The following ATXN7L1 variants were observed in gnomAD, a reference collection of about 807,000 sequenced individuals.
ATXN7L1 encodes the protein ataxin-7-like protein 1.
A neutral mutation model predicts 70.8 loss-of-function variants in ATXN7L1; 15 were observed. That is an observed-to-expected ratio of 0.21 (90% CI 0.14 to 0.33). ATXN7L1 has a LOEUF of 0.33. Among genes scored for constraint, ATXN7L1 ranks in the 10% least tolerant of loss-of-function variants. ATXN7L1 has a pLI of 1.00. For synonymous variants in ATXN7L1, 440 were observed against 445.1 expected, an observed-to-expected ratio of 0.99 and a Z score of 0.14; for missense variants, 975 against 1,097.1, an observed-to-expected ratio of 0.89 and a Z score of 1.57.
At chr7:105,858,527 AT>A (rs1248525027) in intron 2 of ATXN7L1, among the ~76,000 whole-genome samples, 1 of 152,240 alleles carries the variant, frequency 6.6e-6, no homozygotes, top group East Asian at 1.9e-4. Context: ...GGGGGACAGG[AT>A]ATTCACTGGG....
chr7:105,641,611 G>A (rs1168758888), intron 5 of ATXN7L1, among the ~76,000 whole-genome samples: 1 of 152,266 alleles, frequency 6.6e-6, no homozygotes, highest in Non-Finnish European at 1.5e-5. Context: ...CAGCCACTGT[G>A]CCCACGCCTA....
chr7:105,777,745 C>T (rs999066814), intron 3 of ATXN7L1, among the ~76,000 whole-genome samples: 1 of 152,198 alleles, frequency 6.6e-6, no homozygotes, highest in Admixed American at 6.5e-5. Flanking sequence ...GAGTGAGCTT[C>T]AGAAAACAGA....
chr7:105,837,311 C>T (rs1812533432), intron 2 of ATXN7L1, among the ~76,000 whole-genome samples: 1 of 152,122 alleles, frequency 6.6e-6, no homozygotes, highest in South Asian at 2.1e-4. Context: ...CCTTCTGATT[C>T]CTTCCTACTT....
rs1563048215 is a variant in ATXN7L1 at position 105,733,490 on chromosome 7, CCACCCA to C, written c.355+55108_355+55113del. On this transcript the variant is annotated intron_variant, in intron 3 of 11. Transcript: ENST00000419735. ...TTTGACCTCCAGGAGGTCCATCCAT[CCACCCA>C]TCCATCCTTCCATCCATCCACCCAT... is the stretch of plus-strand genomic sequence containing the variant. Among the ~76,000 whole-genome samples, 106 of 134,032 alleles carry C rather than the reference CCACCCA, an allele frequency of 7.9e-4. 1 individual carries two copies. Among genetic ancestry groups the C allele is most frequent in the Admixed American group, 1.3e-3 (18 of 13,372 alleles). 87.9% of individuals were successfully genotyped at this position (134,032 alleles called of 152,430 possible).
At chr7:105,805,522 T>C (rs1441829424) in intron 2 of ATXN7L1, among the ~76,000 whole-genome samples, 2 of 152,168 alleles carry the variant, frequency 1.3e-5, no homozygotes, top group East Asian at 1.9e-4. Context: ...TGCCAGACAC[T>C]GGGGTACAGA....
intron 3 of ATXN7L1, among the ~76,000 whole-genome samples, chr7:105,712,162 G>A (rs661565): frequency 0.077 from 11,657 of 152,282 alleles, 514 homozygotes; most frequent in South Asian, 0.14. Context: ...GCAGGGCACA[G>A]TGTCCCAAGG....
chr7:105,701,396 A>T (rs1460868868), intron 3 of ATXN7L1, among the ~76,000 whole-genome samples: 1 of 152,254 alleles, frequency 6.6e-6, no homozygotes, highest in Non-Finnish European at 1.5e-5. Context: ...TATGTACAAC[A>T]CACAGACAAA....
chr7:105,748,805 C>T (rs983260678), intron 3 of ATXN7L1, among the ~76,000 whole-genome samples: 1 of 152,344 alleles, frequency 6.6e-6, no homozygotes, highest in Non-Finnish European at 1.5e-5. Flanking sequence ...GCTGGGCCCA[C>T]CCCGGAGATA....
chr7:105,696,580 A>G (rs1292603077), intron 3 of ATXN7L1, among the ~76,000 whole-genome samples: 1 of 152,264 alleles, frequency 6.6e-6, no homozygotes, highest in Non-Finnish European at 1.5e-5. Context: ...CTGAAAGTCC[A>G]TGAGGCCTAG....
At chr7:105,642,775 GT>G in intron 5 of ATXN7L1, 62 bp downstream of exon 5, 1 of 1,475,594 alleles carries the variant, frequency 6.8e-7, no homozygotes, top group Non-Finnish European at 9.1e-7. Context: ...TCACTCCTTC[GT>G]TATGGCTGCG....
intron 3 of ATXN7L1, among the ~76,000 whole-genome samples, chr7:105,701,869 T>C (rs1282518267): frequency 6.6e-6 from 1 of 152,162 alleles, no homozygotes; most frequent in Non-Finnish European, 1.5e-5. Flanking sequence ...GGTGCCCAAC[T>C]CATTAATTCA....
chr7:105,875,004 T>C (rs1193335843), intron 2 of ATXN7L1: 1 of 152,410 alleles, frequency 6.6e-6, no homozygotes, highest in African/African-American at 2.4e-5. Context: ...ACAATTCAAA[T>C]GAATCCACCT....
At chr7:105,756,672 C>T (rs983958329) in intron 3 of ATXN7L1, among the ~76,000 whole-genome samples, 3 of 152,198 alleles carry the variant, frequency 2.0e-5, no homozygotes, top group South Asian at 2.1e-4. Flanking sequence ...TGGCTATTCA[C>T]TTATGCAAGA....
chr7:105,801,669 C>T (rs1160102381), intron 2 of ATXN7L1, among the ~76,000 whole-genome samples: 1 of 152,190 alleles, frequency 6.6e-6, no homozygotes, highest in East Asian at 1.9e-4. Flanking sequence ...ATCACCTCTA[C>T]TTGTGAGCTC....
chr7:105,797,847 C>T (rs1387589167), intron 2 of ATXN7L1, among the ~76,000 whole-genome samples: 1 of 152,212 alleles, frequency 6.6e-6, no homozygotes, highest in Admixed American at 6.5e-5. Context: ...TGACTCTCAC[C>T]AGACGGCAAT....
At chr7:105,777,524 G>T (rs889267440) in intron 3 of ATXN7L1, among the ~76,000 whole-genome samples, 35 of 152,138 alleles carry the variant, frequency 2.3e-4, no homozygotes, top group African/African-American at 8.2e-4. Context: ...CAAGTCACTG[G>T]CCATTCTCCT....
At chr7:105,665,408 A>G (rs1802465223) in intron 3 of ATXN7L1, 120 bp from the exon 4 acceptor site, 1 of 758,102 alleles carries the variant, frequency 1.3e-6, no homozygotes, top group South Asian at 1.7e-5. Context: ...CAGCACTGGC[A>G]TTCCTGAAGC....
At chr7:105,771,227 T>TAATAATAAC (rs965646314) in intron 3 of ATXN7L1, among the ~76,000 whole-genome samples, 1 of 149,520 alleles carries the variant, frequency 6.7e-6, no homozygotes, top group Non-Finnish European at 1.5e-5. Context: ...ATAATAATAA[T>TAATAATAAC]AATAATAATA....
intron 3 of ATXN7L1, among the ~76,000 whole-genome samples, chr7:105,706,621 G>A (rs1303024296): frequency 6.6e-6 from 1 of 152,166 alleles, no homozygotes; most frequent in Non-Finnish European, 1.5e-5. Flanking sequence ...TTCCTTTGTG[G>A]CCAGTTCTCC....
Sources: allele counts gnomAD v4.1 joint callset (sites outside exome capture counted in the v4.1 genomes callset), GRCh38; gene constraint gnomAD v4.1.1; transcripts MANE v1.5; gene names NCBI Gene and HGNC (gene_info 2026-07-23, HGNC 2026-07-21).